Variants in TCF7L2 observed in about 807,000 individuals in gnomAD.
TCF7L2 encodes the protein transcription factor 7 like 2, also known as transcription factor 7-like 2.
In TCF7L2, 23 loss-of-function variants were observed where a neutral mutation model predicts 77.9. The observed-to-expected ratio is 0.30, with a 90% CI of 0.21 to 0.42. The LOEUF is 0.42. Ranked by LOEUF, TCF7L2 falls within the 10% of genes least tolerant of loss-of-function variation. TCF7L2 has a pLI of 1.00. For synonymous variants in TCF7L2, 413 were observed against 340.2 expected (o/e 1.21, Z -2.36); for missense variants, 654 against 793.1 (o/e 0.82, Z 2.11).
At chr10:113,001,036 G>A (rs747885895) in intron 4 of TCF7L2, among the ~76,000 whole-genome samples, 2 of 152,200 alleles carry the variant, frequency 1.3e-5, no homozygotes, top group Non-Finnish European at 2.9e-5. Flanking sequence ...AACGCAGAGT[G>A]CTCCGGAGGG....
intron 12 of TCF7L2, 117 bp downstream of exon 14, chr10:113,160,109 G>C (rs1456675682): frequency 2.3e-6 from 2 of 867,714 alleles, no homozygotes; most frequent in Non-Finnish European, 1.8e-6. Context: ...AGACACAGGG[G>C]AGTGGGACAC....
intron 4 of TCF7L2, among the ~76,000 whole-genome samples, chr10:112,984,995 G>C (rs2041218285): frequency 6.6e-6 from 1 of 152,178 alleles, no homozygotes; most frequent in African/African-American, 2.4e-5. Context: ...TATTGCCTGT[G>C]GGACCGCCCT....
intron 13 of TCF7L2, chr10:113,161,503 T>C: frequency 6.8e-7 from 1 of 1,478,228 alleles, no homozygotes; most frequent in Non-Finnish European, 9.1e-7. Flanking sequence ...GGATACCGAC[T>C]AGCTCCTGTC....
At chr10:113,033,225 T>TTC (rs146477223) in intron 4 of TCF7L2, among the ~76,000 whole-genome samples, 23 of 149,278 alleles carry the variant, frequency 1.5e-4, no homozygotes, top group East Asian at 3.9e-4. Flanking sequence ...CTTCTGCTGC[T>TTC]TCTCTCTCTC....
chr10:113,123,179 C>T (rs1007467890), intron 5 of TCF7L2, among the ~76,000 whole-genome samples: 6 of 152,158 alleles, frequency 3.9e-5, no homozygotes, highest in Non-Finnish European at 5.9e-5. Flanking sequence ...GTTTCAAAGT[C>T]GGAGAGTTAA....
chr10:112,996,544 A>G (rs555402767), intron 4 of TCF7L2, among the ~76,000 whole-genome samples: 2 of 152,342 alleles, frequency 1.3e-5, no homozygotes, highest in East Asian at 3.9e-4. Context: ...TGTTGGAACC[A>G]ATAGCATAAG....
At chr10:112,982,909 G>A (rs780191146) in intron 4 of TCF7L2, among the ~76,000 whole-genome samples, 10 of 152,216 alleles carry the variant, frequency 6.6e-5, no homozygotes, top group Non-Finnish European at 1.5e-4. Context: ...ACAGGTGTGA[G>A]CCACTGCCCC....
At chr10:113,083,395 A>G (rs2059513454) in intron 5 of TCF7L2, among the ~76,000 whole-genome samples, 1 of 152,292 alleles carries the variant, frequency 6.6e-6, no homozygotes, top group East Asian at 1.9e-4. Context: ...GATTGCATAC[A>G]TCTGCCATGT....
chr10:113,089,689 C>G (rs2060172930), intron 5 of TCF7L2: 2 of 1,045,050 alleles, frequency 1.9e-6, no homozygotes, highest in African/African-American at 3.2e-5. Context: ...GCCATGATGT[C>G]TGGGTGTGCT....
chr10:112,952,384 G>T (rs1310864666), intron 3 of TCF7L2, among the ~76,000 whole-genome samples: 2 of 152,104 alleles, frequency 1.3e-5, no homozygotes, highest in African/African-American at 4.8e-5. Context: ...CCTGGGCGCC[G>T]TGGCGGGCTC....
At chr10:112,985,258 C>T (rs1028810270) in intron 4 of TCF7L2, among the ~76,000 whole-genome samples, 6 of 152,114 alleles carry the variant, frequency 3.9e-5, no homozygotes, top group Non-Finnish European at 8.8e-5. Context: ...TTTCAAACTT[C>T]CATCTCTTCT....
intron 4 of TCF7L2, among the ~76,000 whole-genome samples, chr10:113,010,505 A>G (rs974904905): frequency 6.6e-6 from 1 of 152,208 alleles, no homozygotes; most frequent in Admixed American, 6.5e-5. Context: ...CAGTCTTCCA[A>G]GCATTTTACC....
chr10:113,019,108 C>T (rs189094646), intron 4 of TCF7L2, among the ~76,000 whole-genome samples: 5 of 152,344 alleles, frequency 3.3e-5, no homozygotes, highest in African/African-American at 4.8e-5. Context: ...AGAGCATCCT[C>T]ACTCTTCTCT....
intron 5 of TCF7L2, among the ~76,000 whole-genome samples, chr10:113,137,518 C>T (rs1033595689): frequency 6.6e-6 from 1 of 152,154 alleles, no homozygotes; most frequent in Non-Finnish European, 1.5e-5. Flanking sequence ...AATGAAAACT[C>T]GGGTCTTCCT....
intron 4 of TCF7L2, among the ~76,000 whole-genome samples, chr10:112,986,403 A>G (rs1028040645): frequency 6.6e-6 from 1 of 152,134 alleles, no homozygotes; most frequent in Non-Finnish European, 1.5e-5. Flanking sequence ...GAGATGATGT[A>G]AGCTTTGCTC....
chr10:113,142,439 C>T (rs1395728839), intron 6 of TCF7L2, among the ~76,000 whole-genome samples: 1 of 152,180 alleles, frequency 6.6e-6, no homozygotes, highest in African/African-American at 2.4e-5. Context: ...CTTGGGAGAA[C>T]AGGTAAGGTT....
At chr10:113,139,447 C>T (rs1332374104) in intron 5 of TCF7L2, among the ~76,000 whole-genome samples, 2 of 152,176 alleles carry the variant, frequency 1.3e-5, no homozygotes, top group African/African-American at 2.4e-5. Flanking sequence ...TGGCCTGCCC[C>T]GCCCTTCATG....
At chr10:113,022,132 G>T (rs1459974159) in intron 4 of TCF7L2, among the ~76,000 whole-genome samples, 4 of 152,008 alleles carry the variant, frequency 2.6e-5, no homozygotes, top group Non-Finnish European at 4.4e-5. Flanking sequence ...TTTTTATTTT[G>T]TGCACATTGC....
intron 4 of TCF7L2, among the ~76,000 whole-genome samples, chr10:112,971,419 G>A (rs757275660): frequency 2.6e-5 from 4 of 151,886 alleles, no homozygotes; most frequent in East Asian, 3.9e-4. Context: ...AGCGATTCCC[G>A]TGCCTCAGCC....
Sources: allele counts gnomAD v4.1 joint callset (sites outside exome capture counted in the v4.1 genomes callset), GRCh38; gene constraint gnomAD v4.1.1; transcripts MANE v1.5; gene names NCBI Gene and HGNC (gene_info 2026-07-23, HGNC 2026-07-21).